Variants in NID1 observed in about 807,000 individuals in gnomAD.
The protein encoded by NID1 is nidogen 1.
A neutral mutation model predicts 130.6 loss-of-function variants in NID1; 76 were observed. The ratio of observed to expected loss-of-function variants is 0.58; its 90% confidence interval spans 0.48 to 0.70. NID1 has a LOEUF of 0.70. NID1 is among the 30% of genes least tolerant of loss of function. The pLI is 0.00. For synonymous variants in NID1, 665 were observed against 675.1 expected (o/e 0.98, Z 0.23); for missense variants, 1,517 against 1,664.8 (o/e 0.91, Z 1.54).
At chr1:236,056,401 T>C (rs1169637203) in intron 1 of NID1, among the ~76,000 whole-genome samples, 3 of 152,216 alleles carry the variant, frequency 2.0e-5, no homozygotes, top group Non-Finnish European at 4.4e-5. Flanking sequence ...GTATATATTT[T>C]GATACATGCA....
chr1:235,981,557 T>A, intron 16 of NID1, 54 bp downstream of exon 16: 1 of 1,555,076 alleles, frequency 6.4e-7, no homozygotes. Context: ...TGAGAATCTC[T>A]AAAAGGGCAG....
rs200952814 is a variant in NID1 at position 236,029,561 on chromosome 1, T to A, written c.1727A>T (p.Tyr576Phe). 1.3e-6 allele frequency: 2 copies of A among 1,560,194 alleles called. No homozygotes were observed. Among genetic ancestry groups the A allele is most frequent in the Non-Finnish European group, 1.7e-6 (2 of 1,152,450 alleles). The change falls in exon 7 of 20, where the codon TAC becomes TTC. Residue 576 changes from tyrosine (Y) to phenylalanine (F), a missense_variant. By Grantham distance (22) the Tyr-to-Phe change is conservative. Around this residue, in one of 3 missense-constraint regions of NID1, gnomAD observed 1,329 missense variants for 1,429.2 expected, o/e 0.93. Coordinates refer to ENST00000264187, the MANE Select transcript of NID1 (RefSeq NM_002508.3). ...HIEPYTELYH[Y>F]STSVITSSST... Reference sequence around the variant, plus strand: ...CAGCTGGGGCTCACCTGAGGTGGAGTAGTGGTACAGCTCCGTGTAGGGCTC... The same window carrying A: ...CAGCTGGGGCTCACCTGAGGTGGAGAAGTGGTACAGCTCCGTGTAGGGCTC...
chr1:236,031,635 C>A (rs1225384823), intron 6 of NID1, among the ~76,000 whole-genome samples: 1 of 152,122 alleles, frequency 6.6e-6, no homozygotes, highest in African/African-American at 2.4e-5. Context: ...TGGCTAGGTA[C>A]CTGTGCCCCA....
chr1:236,038,105 T>A lies in NID1; in HGVS notation c.1284A>T (p.Glu428Asp). 6.3e-7 allele frequency: 1 copy of A among 1,593,424 alleles called. No homozygotes were observed. Among genetic ancestry groups the A allele is most frequent in the Non-Finnish European group, 8.6e-7 (1 of 1,164,660 alleles). The change falls in exon 5 of 20, where the codon GAA becomes GAT. Residue 428 changes from glutamate (E) to aspartate (D), a missense_variant and splice_region_variant. By Grantham distance (45) the Glu-to-Asp change is conservative. Coordinates refer to ENST00000264187, the MANE Select transcript of NID1 (RefSeq NM_002508.3). ...YTGNGRQCVA[E>D]GSPQRVNGKV... ...AACGAACATAGAAAAGCAAATTACC[T>A]TCTGCAACACATTGCCTGCCATTGC... is the stretch of plus-strand genomic sequence containing the variant.
intron 7 of NID1, among the ~76,000 whole-genome samples, chr1:236,026,825 G>A (rs995844632): frequency 1.3e-5 from 2 of 149,014 alleles, no homozygotes; most frequent in Non-Finnish European, 3.0e-5. Context: ...TGCAACCTCC[G>A]CCCCCTGGGT....
At chr1:236,041,760 A>G in intron 4 of NID1, 150 bp downstream of exon 4, 1 of 974,952 alleles carries the variant, frequency 1.0e-6, no homozygotes, top group East Asian at 2.6e-5. Context: ...CCAAGGCTCC[A>G]CGGCTGTGAG....
rs771655893 is a variant in NID1, at chr1:235,980,485, C to A, written c.3385+11G>T. ...GAGACCCGCCCTGGACAGTGTCCAG[C>A]TTTCCATCACCTGCATCCACCCAGC... On this transcript the variant is annotated intron_variant, in intron 17 of 19. Transcript: ENST00000264187. 1.2e-6 allele frequency: 2 copies of A among 1,613,960 alleles called. No individual in the cohort carries two copies. The highest frequency in any genetic ancestry group is 2.2e-5 in the South Asian group (2 of 91,056).
chr1:235,977,822 G>C lies in NID1; in HGVS notation c.*45C>G, dbSNP rs750776430. ...TCTGGACCAAGTTGCTTCAAGTAGA[G>C]TGTTGCTGTGAAATACTTGGAAAGG... On this transcript the variant is annotated 3_prime_UTR_variant, in exon 20 of 20. Transcript: ENST00000264187. The C allele has an allele frequency of 1.9e-6, 3 of 1,605,452 alleles. No individual in the cohort carries two copies. Among genetic ancestry groups the C allele is most frequent in the African/African-American group, 1.3e-5 (1 of 74,864 alleles).
Position 235,979,797 on chromosome 1 carries a change from G to GC in NID1, c.3509+24dup. 3 of 1,611,458 alleles carry GC rather than the reference G, an allele frequency of 1.9e-6. No individual in the cohort carries two copies. The highest frequency in any genetic ancestry group is 2.2e-5 in the South Asian group (2 of 90,908). On this transcript the variant is annotated intron_variant, in intron 18 of 19. Coordinates refer to ENST00000264187, the MANE Select transcript of NID1 (RefSeq NM_002508.3). This position sits in a 1 kb window ranked among gnomAD's most constrained non-coding sequence, Gnocchi z 4.6. ...GTGGGTGGAGGGGCAGGCCCACGCA[G>GC]CCCCCATGGCTACAGCTGACGTACA...
intron 7 of NID1, among the ~76,000 whole-genome samples, chr1:236,027,244 T>A (rs978494650): frequency 1.3e-5 from 2 of 152,122 alleles, no homozygotes; most frequent in Non-Finnish European, 2.9e-5. Flanking sequence ...CTCAACTTCC[T>A]GTTTTTTTAA....
At position 236,063,486 on chromosome 1, in the gene NID1, AT is replaced by A. The variant is rs199747725; in HGVS notation, c.225+1368del. The stretch of plus-strand genomic sequence containing the variant: ...GACTCTGTCTCAAAAAAAAAAATAA[AT>A]AAATAAATAAATAAATAAAGTAAGC... On this transcript the variant is annotated intron_variant, in intron 1 of 19. Transcript: ENST00000264187. Among the ~76,000 whole-genome samples, 206 of 141,944 alleles carry A rather than the reference AT, an allele frequency of 1.5e-3. 2 individuals are homozygous for A. The highest frequency in any genetic ancestry group is 4.8e-3 in the African/African-American group (162 of 34,072). The allele number at this position is 141,944 out of a possible 152,430, so 93.1% of individuals were successfully genotyped here.
chr1:236,063,499 T>A (rs867829282), intron 1 of NID1, among the ~76,000 whole-genome samples: 2,568 of 146,530 alleles, frequency 0.018, 65 homozygotes, highest in African/African-American at 0.053. Context: ...AATAAATAAA[T>A]AAATAAAGTA....
At chr1:236,051,736 C>T (rs750000895) in intron 1 of NID1, among the ~76,000 whole-genome samples, 15 of 152,192 alleles carry the variant, frequency 9.9e-5, no homozygotes, top group Admixed American at 6.5e-4. Flanking sequence ...TCTCTCGAGC[C>T]GCCAGAAGTT....
intron 5 of NID1, among the ~76,000 whole-genome samples, chr1:236,035,563 C>T (rs1008859872): frequency 2.0e-5 from 3 of 150,262 alleles, no homozygotes; most frequent in East Asian, 1.9e-4. Context: ...CCTGAGGAAT[C>T]GCCACACTGA....
In NID1 at chr1:236,042,035, G is replaced by A; in HGVS notation, c.1010C>T (p.Ala337Val). ...SVPSVLSPRR[A>V]ATERPLGPPT... ...AGGTCCAAGGGGCCTTTCGGTAGCT[G>A]CCCGGCGCGGGGAGAGGACGCTGGG... The change falls in exon 4 of 20, where the codon GCA (alanine) becomes GTA (valine). Residue 337 changes from alanine to valine, a missense_variant. By Grantham distance (64) the Ala-to-Val change is moderately conservative. Coordinates refer to ENST00000264187, the MANE Select transcript of NID1 (RefSeq NM_002508.3). 6.2e-7 allele frequency: 1 copy of A among 1,614,182 alleles called. No individual in the cohort carries two copies. The highest frequency in any genetic ancestry group is 8.5e-7 in the Non-Finnish European group (1 of 1,180,026).
At chr1:235,999,178 A>G (rs1489451654) in intron 12 of NID1, among the ~76,000 whole-genome samples, 2 of 152,272 alleles carry the variant, frequency 1.3e-5, no homozygotes, top group African/African-American at 4.8e-5. Flanking sequence ...TTTTCCAGTT[A>G]GAAAACAAAA....
chr1:236,018,631 T>C (rs1444162790), intron 9 of NID1, among the ~76,000 whole-genome samples: 2 of 152,212 alleles, frequency 1.3e-5, no homozygotes, highest in African/African-American at 2.4e-5. Context: ...GTCAACCTCA[T>C]ACTCAGAGTG....
At chr1:236,039,656 T>C (rs1056408029) in intron 4 of NID1, among the ~76,000 whole-genome samples, 7 of 152,104 alleles carry the variant, frequency 4.6e-5, no homozygotes, top group African/African-American at 1.7e-4. Flanking sequence ...ACAAGAGGGG[T>C]AAACTTTCAG....
At chr1:236,032,910 G>A (rs891696051) in intron 5 of NID1, among the ~76,000 whole-genome samples, 8 of 152,126 alleles carry the variant, frequency 5.3e-5, no homozygotes, top group Non-Finnish European at 1.0e-4. Flanking sequence ...CTGTCTCCAC[G>A]GACAGCCATT....
Sources: gnomAD v4.1 joint callset for allele counts (sites outside exome capture counted in the v4.1 genomes callset) on GRCh38, gnomAD v4.1.1 for gene constraint, gnomAD v4.1.1 regional missense constraint, Gnocchi (gnomAD v3.1) non-coding constraint, MANE v1.5 for transcripts, NCBI Gene and HGNC (gene_info 2026-07-23, HGNC 2026-07-21) for gene names.